RAPGEF5: variants seen among roughly 807,000 people sequenced by gnomAD.
The protein encoded by RAPGEF5 is Rap guanine nucleotide exchange factor 5.
In RAPGEF5, 65 loss-of-function variants were observed where a neutral mutation model predicts 125.2. That is an observed-to-expected ratio of 0.52 (90% CI 0.43 to 0.64). The LOEUF (loss-of-function observed/expected upper bound fraction) is 0.64, where lower values mean the gene tolerates loss of function less well. RAPGEF5 is among the 30% of genes least tolerant of loss of function. The pLI is 0.00. For synonymous variants in RAPGEF5, 391 were observed against 385.9 expected (o/e 1.01, Z -0.16); for missense variants, 958 against 1,048.1 (o/e 0.91, Z 1.19).
intron 18 of RAPGEF5, 77 bp from the exon 19 acceptor site, chr7:22,147,096 C>G: frequency 6.5e-7 from 1 of 1,530,200 alleles, no homozygotes; most frequent in Non-Finnish European, 8.8e-7. Flanking sequence ...TAGAAAGGCA[C>G]TAGAAGCTCA....
At chr7:22,186,309 T>C (rs926818507) in intron 11 of RAPGEF5, among the ~76,000 whole-genome samples, 19 of 152,246 alleles carry the variant, frequency 1.2e-4, no homozygotes, top group Non-Finnish European at 2.4e-4. Flanking sequence ...ATTTCTTTTA[T>C]GTTATTTTTA....
intron 11 of RAPGEF5, among the ~76,000 whole-genome samples, chr7:22,168,498 T>G (rs1784243225): frequency 6.6e-6 from 1 of 151,690 alleles, no homozygotes; most frequent in Admixed American, 6.6e-5. Context: ...CACTCAATAG[T>G]GCTTATGGTC....
chr7:22,154,667 CA>C, intron 16 of RAPGEF5, 63 bp from the exon 17 acceptor site: 30 of 1,543,552 alleles, frequency 1.9e-5, no homozygotes, highest in Non-Finnish European at 2.6e-5. Context: ...TAGACTTTTC[CA>C]AATCAAGGCA....
Position 22,297,279 on chromosome 7 carries a change from C to T in RAPGEF5, c.681-6038G>A, listed in dbSNP as rs538449599. On this transcript the variant is annotated intron_variant, in intron 5 of 25. Transcript: ENST00000665637. ...TCAGTGCACAATGTGAGGAAACTGA[C>T]CTTAAATAAGAATGTGGACCATGCA... Among the ~76,000 whole-genome samples, 689 of 152,166 alleles carry T rather than the reference C, an allele frequency of 4.5e-3. 8 individuals are homozygous for T. Among genetic ancestry groups the T allele is most frequent in the Non-Finnish European group, 8.1e-3 (552 of 68,018 alleles).
intron 5 of RAPGEF5, among the ~76,000 whole-genome samples, chr7:22,294,748 T>C (rs1444441881): frequency 6.6e-6 from 1 of 152,106 alleles, no homozygotes; most frequent in African/African-American, 2.4e-5. Context: ...ACCACCTCCA[T>C]CACTGCCACT....
chr7:22,149,557 G>T (rs1286399004), intron 18 of RAPGEF5, among the ~76,000 whole-genome samples: 1 of 152,188 alleles, frequency 6.6e-6, no homozygotes. Flanking sequence ...CTTAGGCATA[G>T]GTGTTCTTAA....
intron 8 of RAPGEF5, among the ~76,000 whole-genome samples, chr7:22,227,035 T>C (rs1431716002): frequency 1.3e-5 from 2 of 151,692 alleles, no homozygotes; most frequent in East Asian, 3.9e-4. Context: ...TTACATAATA[T>C]ATAGTATTAT....
At chr7:22,171,094 A>G (rs555930851) in intron 11 of RAPGEF5, among the ~76,000 whole-genome samples, 19 of 152,184 alleles carry the variant, frequency 1.2e-4, no homozygotes, top group African/African-American at 4.1e-4. Flanking sequence ...CTATAATCAA[A>G]GTGATGCACT....
At chr7:22,239,231 T>G (rs1256879576) in intron 7 of RAPGEF5, among the ~76,000 whole-genome samples, 1 of 152,192 alleles carries the variant, frequency 6.6e-6, no homozygotes, top group Non-Finnish European at 1.5e-5. Context: ...AAGGCCGTAA[T>G]GACTTACACA....
chr7:22,201,285 G>A (rs890335750), intron 9 of RAPGEF5, among the ~76,000 whole-genome samples: 6 of 152,204 alleles, frequency 3.9e-5, no homozygotes, highest in Admixed American at 3.9e-4. Context: ...ATCTCTTGCC[G>A]ATGCTTCCCA....
intron 15 of RAPGEF5, 110 bp downstream of exon 15, chr7:22,157,742 TGTC>T (rs1366618948): frequency 8.3e-7 from 1 of 1,209,276 alleles, no homozygotes. Flanking sequence ...CGCCCCGCCT[TGTC>T]GTGTTCTGCT....
chr7:22,249,077 C>T (rs922661377), intron 7 of RAPGEF5, among the ~76,000 whole-genome samples: 2 of 152,170 alleles, frequency 1.3e-5, no homozygotes, highest in African/African-American at 4.8e-5. Flanking sequence ...AAGTTAGCTA[C>T]TTCTTGGCAA....
At chr7:22,198,169 T>C (rs1785197249) in intron 9 of RAPGEF5, among the ~76,000 whole-genome samples, 1 of 152,150 alleles carries the variant, frequency 6.6e-6, no homozygotes, top group Non-Finnish European at 1.5e-5. Flanking sequence ...ACCTTAAATC[T>C]CTAAGAATAC....
intron 7 of RAPGEF5, among the ~76,000 whole-genome samples, chr7:22,244,948 C>T (rs1786437467): frequency 1.3e-5 from 2 of 152,284 alleles, no homozygotes; most frequent in African/African-American, 4.8e-5. Context: ...CAGCAAAGTA[C>T]AAGGATTATC....
At position 22,298,280 on chromosome 7, in the gene RAPGEF5, C is replaced by A. The variant is rs999930926; in HGVS notation, c.681-7039G>T. ...GCAACCTCTGCCACCCCAGTTCAAGCGATTCTCCTGCTTCAGTCTCCCGAG... is the reference window on the plus strand; with the variant it reads ...GCAACCTCTGCCACCCCAGTTCAAGAGATTCTCCTGCTTCAGTCTCCCGAG... On this transcript the variant is annotated intron_variant, in intron 5 of 25. Coordinates refer to ENST00000665637, the MANE Select transcript of RAPGEF5 (RefSeq NM_012294.5). Among the ~76,000 whole-genome samples the A allele has an allele frequency of 2.6e-5, 4 of 151,480 alleles. No individual in the cohort carries two copies. The South Asian group carries it at 8.3e-4, about 32-fold the overall frequency.
intron 6 of RAPGEF5, among the ~76,000 whole-genome samples, chr7:22,284,348 G>A (rs1368194147): frequency 6.6e-6 from 1 of 152,176 alleles, no homozygotes; most frequent in Non-Finnish European, 1.5e-5. Context: ...CCCATTGGAT[G>A]AGGACAGATT....
At chr7:22,204,131 A>G (rs1785345284) in intron 9 of RAPGEF5, among the ~76,000 whole-genome samples, 3 of 152,186 alleles carry the variant, frequency 2.0e-5, no homozygotes, top group African/African-American at 7.2e-5. Context: ...GGATAACATG[A>G]CTTTTCAGAG....
chr7:22,288,797 G>A (rs1199906933), intron 6 of RAPGEF5, among the ~76,000 whole-genome samples: 1 of 151,902 alleles, frequency 6.6e-6, no homozygotes, highest in Non-Finnish European at 1.5e-5. Context: ...TCTTTCTTTT[G>A]GTTCCCACAA....
chr7:22,253,751 A>T (rs1786680895), intron 7 of RAPGEF5, among the ~76,000 whole-genome samples: 1 of 152,206 alleles, frequency 6.6e-6, no homozygotes, highest in Admixed American at 6.5e-5. Flanking sequence ...TAATTATATT[A>T]AGCAAGTCAG....
Sources: gnomAD v4.1 joint callset for allele counts (sites outside exome capture counted in the v4.1 genomes callset) on GRCh38, gnomAD v4.1.1 for gene constraint, MANE v1.5 for transcripts, NCBI Gene and HGNC (gene_info 2026-07-23, HGNC 2026-07-21) for gene names.